Variants in ZSCAN21 observed in about 807,000 individuals in gnomAD.
The protein encoded by ZSCAN21 is zinc finger and SCAN domain containing 21, also known as zinc finger and SCAN domain-containing protein 21.
Under a neutral mutation model 35.6 loss-of-function variants are expected in ZSCAN21, and 26 were observed. That is an observed-to-expected ratio of 0.73 (90% CI 0.54 to 1.01). The LOEUF (loss-of-function observed/expected upper bound fraction) is 1.01. Ranked by LOEUF, ZSCAN21 falls within the 50% of genes least tolerant of loss-of-function variation. The pLI, the probability that ZSCAN21 is intolerant of heterozygous loss-of-function variation, is 0.00. For missense variants in ZSCAN21, 593 were observed against 587.1 expected, an observed-to-expected ratio of 1.01 and a Z score of -0.10; for synonymous variants, 219 against 219.3, an observed-to-expected ratio of 1.00 and a Z score of 0.01.
rs953323450 is a variant in ZSCAN21 at position 100,059,804 on chromosome 7, G to T, written c.592+1914G>T. 6.6e-5 allele frequency among the ~76,000 whole-genome samples: 10 copies of T among 152,186 alleles called. No homozygotes were observed. The East Asian group carries it at 1.9e-3, about 29-fold the overall frequency. ...GGCTCACCGCAACCTCCGCATTCCA[G>T]TTTCAAGTGATTCTCCTGCCTCAGC... On this transcript the variant is annotated intron_variant, in intron 3 of 3. Transcript: ENST00000292450.
In ZSCAN21 at chr7:100,060,205, A is replaced by C. The variant is rs183191372; in HGVS notation, c.592+2315A>C. 6.6e-5 allele frequency among the ~76,000 whole-genome samples: 10 copies of C among 152,332 alleles called. No homozygotes were observed. The East Asian group carries it at 1.7e-3, about 26-fold the overall frequency. ...GAAAGATCAAGGTGGCAGGCATTGGACATCAGTGTGGGATCAGATGAGAAG... is the reference window on the plus strand; with the variant it reads ...GAAAGATCAAGGTGGCAGGCATTGGCCATCAGTGTGGGATCAGATGAGAAG... On this transcript the variant is annotated intron_variant, in intron 3 of 3. Coordinates refer to ENST00000292450, the MANE Select transcript of ZSCAN21 (RefSeq NM_145914.3).
chr7:100,063,948 AC>A lies in ZSCAN21; in HGVS notation c.758del (p.Pro253LeufsTer233). 6.2e-7 allele frequency: 1 copy of A among 1,613,826 alleles called. No individual in the cohort carries two copies. The highest frequency in any genetic ancestry group is 8.5e-7 in the Non-Finnish European group (1 of 1,179,972). On this transcript the variant is annotated frameshift_variant, in exon 4 of 4. Coordinates refer to ENST00000292450, the MANE Select transcript of ZSCAN21 (RefSeq NM_145914.3). LOFTEE classifies it high-confidence loss of function. ...ACCTTGAAAATGAAAAAGGAACAAA[AC>A]CCCCTCTTCAAGAGGCAGGCTCCAA... Reference protein sequence around the residue: ...VNLENEKGTKPPLQEAGSKKG... With the variant: ...VNLENEKGTKXPLQEAGSKKG...
chr7:100,051,004 C>A (rs1309271626), intron 1 of ZSCAN21, among the ~76,000 whole-genome samples: 1 of 151,204 alleles, frequency 6.6e-6, no homozygotes, highest in Non-Finnish European at 1.5e-5. Context: ...CCAGCCTGAC[C>A]AACATGGAGA....
rs369246193 is a variant in ZSCAN21 at position 100,051,178 on chromosome 7, C to CA, written c.-97+1362dup. 8.2e-3 allele frequency among the ~76,000 whole-genome samples: 340 copies of CA among 41,348 alleles called. 36 individuals are homozygous for CA. Among genetic ancestry groups the CA allele is most frequent in the African/African-American group, 0.019 (165 of 8,842 alleles). 27.1% of individuals were successfully genotyped at this position (41,348 alleles called of 152,430 possible). A position where few individuals can be genotyped will look rare whatever the true frequency, so the allele number is the denominator to read the frequency against. ...GGGAAACAAGAGTGAAACTACGTCT[C>CA]AAAAAAAAAAAAAAAAAAAAAAAAA... On this transcript the variant is annotated intron_variant, in intron 1 of 3. Transcript: ENST00000292450.
At chr7:100,051,303 TTTTTTTTTG>T (rs1430901738) in intron 1 of ZSCAN21, among the ~76,000 whole-genome samples, 5 of 83,294 alleles carry the variant, frequency 6.0e-5, no homozygotes, top group South Asian at 6.1e-4. Flanking sequence ...TTTTTTTTTT[TTTTTTTTTG>T]AGATGGAGTC....
Position 100,064,929 on chromosome 7 carries a change from CATTAAG to C in ZSCAN21, c.*316_*321del, listed in dbSNP as rs1364517784. On this transcript the variant is annotated 3_prime_UTR_variant, in exon 4 of 4. Transcript: ENST00000292450. ...GTATCCAGTCTAGTTAAGGAAGAAACATTAAGATTGTTTAATTTTTAACATATATTC... is the reference window on the plus strand; with the variant it reads ...GTATCCAGTCTAGTTAAGGAAGAAACATTGTTTAATTTTTAACATATATTC... The C allele has an allele frequency of 5.0e-6, 8 of 1,610,296 alleles. No homozygotes were observed. Among genetic ancestry groups the C allele is most frequent in the Admixed American group, 1.7e-5 (1 of 59,176 alleles).
In ZSCAN21 at chr7:100,057,259, C is replaced by T. The variant is rs1328617329; in HGVS notation, c.253C>T (p.Leu85=). 2 of 1,613,926 alleles carry T rather than the reference C, an allele frequency of 1.2e-6. No individual in the cohort carries two copies. Among genetic ancestry groups the T allele is most frequent in the African/African-American group, 2.7e-5 (2 of 75,030 alleles). The change falls in exon 2 of 4, where the codon CTG becomes TTG. Residue 85 remains leucine, a synonymous_variant. Transcript: ENST00000292450. ...RPEIHTKEQI[L]ELLVLEQFLT... ...CGAGATCCACACCAAGGAGCAGATC[C>T]TGGAGCTACTGGTGCTGGAGCAGTT...
intron 2 of ZSCAN21, 115 bp from the exon 3 acceptor site, chr7:100,057,583 G>T: frequency 7.5e-7 from 1 of 1,337,298 alleles, no homozygotes; most frequent in South Asian, 1.5e-5. Flanking sequence ...GAATGGAATG[G>T]GATGGGTGTT....
rs1792491698 is a variant in ZSCAN21 at position 100,064,012 on chromosome 7, G to C, written c.817G>C (p.Gly273Arg). The change falls in exon 4 of 4, where the codon GGA becomes CGA. Residue 273 changes from glycine to arginine, a missense_variant. Coordinates refer to ENST00000292450, the MANE Select transcript of ZSCAN21 (RefSeq NM_145914.3). ...ATCAGTTCCTACTAAACCTACCCCA[G>C]GAGAGAGACGTTATATATGTGCTGA... ...RESVPTKPTP[G>R]ERRYICAECG... The C allele has an allele frequency of 1.2e-6, 2 of 1,614,026 alleles. No individual in the cohort carries two copies. The highest frequency in any genetic ancestry group is 1.7e-6 in the Non-Finnish European group (2 of 1,180,024).
At chr7:100,055,447 A>G in intron 1 of ZSCAN21, among the ~76,000 whole-genome samples, 1 of 151,146 alleles carries the variant, frequency 6.6e-6, no homozygotes. Flanking sequence ...TTGTATTTTT[A>G]GTAGAGACAG....
In ZSCAN21 at chr7:100,064,522, C is replaced by T. The variant is rs1323667146; in HGVS notation, c.1327C>T (p.Pro443Ser). The change falls in exon 4 of 4, where the codon CCC (proline) becomes TCC (serine). Residue 443 changes from proline (P) to serine (S), a missense_variant. By Grantham distance (74) the Pro-to-Ser change is moderately conservative. Transcript: ENST00000292450. ...CCACAGAATCCACACCGGGGAAAAGCCCTACTGGTGTCATCACTGTGGAAA... is the reference window on the plus strand; with the variant it reads ...CCACAGAATCCACACCGGGGAAAAGTCCTACTGGTGTCATCACTGTGGAAA... ...KHHRIHTGEKPYWCHHCGKTF... is the reference protein window; with the variant it reads ...KHHRIHTGEKSYWCHHCGKTF... 1 of 1,614,164 alleles carries T rather than the reference C, an allele frequency of 6.2e-7. No homozygotes were observed. The highest frequency in any genetic ancestry group is 8.5e-7 in the Non-Finnish European group (1 of 1,180,036).
chr7:100,063,826 G>A lies in ZSCAN21; in HGVS notation c.631G>A (p.Glu211Lys). ...TACCCAGCACGAGGAATCAGCAGAT[G>A]AGCAGAAAGGTTCTGAAGCAGAGGG... is the stretch of plus-strand genomic sequence containing the variant. ...LSTQHEESAD[E>K]QKGSEAEGLK... The change falls in exon 4 of 4, where the codon GAG becomes AAG. Residue 211 changes from glutamate to lysine, a missense_variant. Transcript: ENST00000292450. 6.2e-7 allele frequency: 1 copy of A among 1,613,068 alleles called. No homozygotes were observed.
At chr7:100,053,074 C>G (rs1791943285) in intron 1 of ZSCAN21, among the ~76,000 whole-genome samples, 1 of 145,072 alleles carries the variant, frequency 6.9e-6, no homozygotes, top group African/African-American at 2.6e-5. Context: ...TGCAGTGAGC[C>G]AAGATCATGG....
rs1792112016 is a variant in ZSCAN21, at chr7:100,057,315, C to T, written c.309C>T (p.Ala103=). The T allele has an allele frequency of 1.9e-6, 3 of 1,612,594 alleles. No homozygotes were observed. In the Admixed American group the frequency reaches 5.0e-5, roughly 27 times the overall value. ...FLTILPQELQ[A]WVQEHCPESA... is the part of the protein sequence containing the mutation. The stretch of plus-strand genomic sequence containing the variant: ...CCATCCTGCCCCAGGAGCTCCAGGC[C>T]TGGGTGCAGGAGCATTGCCCGGAGA... The change falls in exon 2 of 4, where the codon GCC becomes GCT. Residue 103 remains alanine, a synonymous_variant. Transcript: ENST00000292450.
chr7:100,053,519 T>TCACATACA (rs143804915), intron 1 of ZSCAN21, among the ~76,000 whole-genome samples: 6 of 101,808 alleles, frequency 5.9e-5, no homozygotes, highest in African/African-American at 2.2e-4. Flanking sequence ...AGGAGGGCTC[T>TCACATACA]TACATACATA....
Position 100,064,531 on chromosome 7 carries a change from T to C in ZSCAN21, c.1336T>C (p.Cys446Arg). Residue 446 changes from cysteine (C) to arginine (R), a missense_variant, in exon 4 of 4, where the codon TGT (cysteine) becomes CGT (arginine). Transcript: ENST00000292450. ...RIHTGEKPYW[C>R]HHCGKTFCSK... ...CCACACCGGGGAAAAGCCCTACTGG[T>C]GTCATCACTGTGGAAAGACCTTCTG... 1.2e-6 allele frequency: 2 copies of C among 1,614,126 alleles called. No homozygotes were observed. Among genetic ancestry groups the C allele is most frequent in the Non-Finnish European group, 1.7e-6 (2 of 1,180,016 alleles).
chr7:100,059,870 C>T (rs775192832), intron 3 of ZSCAN21, among the ~76,000 whole-genome samples: 2 of 152,174 alleles, frequency 1.3e-5, no homozygotes, highest in Non-Finnish European at 1.5e-5. Context: ...CTACCATGCT[C>T]GGCTAATTTT....
chr7:100,064,887 CGT>C lies in ZSCAN21; in HGVS notation c.*271_*272del. ...TAAGCCATGCCAGCATTACCTTTTG[CGT>C]AGTTAAACAGACGTGTATCCAGTCT... On this transcript the variant is annotated 3_prime_UTR_variant, in exon 4 of 4. Transcript: ENST00000292450. The C allele has an allele frequency of 2.5e-6, 4 of 1,601,908 alleles. No homozygotes were observed. The highest frequency in any genetic ancestry group is 3.4e-6 in the Non-Finnish European group (4 of 1,174,292).
At chr7:100,050,349 GATCTGCTC>G (rs1791814903) in intron 1 of ZSCAN21, among the ~76,000 whole-genome samples, 1 of 152,114 alleles carries the variant, frequency 6.6e-6, no homozygotes, top group East Asian at 1.9e-4. Flanking sequence ...ACAGAATAGG[GATCTGCTC>G]ATGGTTTAGA....
Sources: allele counts gnomAD v4.1 joint callset (sites outside exome capture counted in the v4.1 genomes callset), GRCh38; gene constraint gnomAD v4.1.1; transcripts MANE v1.5; gene names NCBI Gene and HGNC (gene_info 2026-07-23, HGNC 2026-07-21).